Variants in FDCSP observed in about 807,000 individuals in gnomAD.
The protein encoded by FDCSP is follicular dendritic cell secreted protein, also known as follicular dendritic cell secreted peptide.
In FDCSP, 8 loss-of-function variants were observed where a neutral mutation model predicts 8.9. The observed-to-expected ratio is 0.90, with a 90% CI of 0.53 to 1.63. The LOEUF is 1.63. FDCSP is among the 40% of genes most tolerant of loss of function. The pLI, the probability that FDCSP is intolerant of heterozygous loss-of-function variation, is 0.00. For synonymous variants in FDCSP, 34 were observed against 34.5 expected, an observed-to-expected ratio of 0.98 and a Z score of 0.06; for missense variants, 101 against 103.6, an observed-to-expected ratio of 0.98 and a Z score of 0.11.
intron 1 of FDCSP, among the ~76,000 whole-genome samples, chr4:70,229,462 G>A (rs1730043338): frequency 6.6e-6 from 1 of 151,698 alleles, no homozygotes; most frequent in Non-Finnish European, 1.5e-5. Flanking sequence ...TCACAACTTG[G>A]CTAACTAGTT....
chr4:70,230,619 T>C (rs1730064404), intron 1 of FDCSP, among the ~76,000 whole-genome samples: 1 of 151,656 alleles, frequency 6.6e-6, no homozygotes, highest in Non-Finnish European at 1.5e-5. Flanking sequence ...ATGGATTTTG[T>C]GTTAGCAGGC....
chr4:70,232,980 T>C lies in FDCSP; in HGVS notation c.58-14T>C. 6.3e-7 allele frequency: 1 copy of C among 1,588,626 alleles called. No homozygotes were observed. Among genetic ancestry groups the C allele is most frequent in the Non-Finnish European group, 8.6e-7 (1 of 1,169,298 alleles). On this transcript the variant is annotated splice_polypyrimidine_tract_variant and intron_variant, in intron 2 of 4. Coordinates refer to ENST00000317987, the MANE Select transcript of FDCSP (RefSeq NM_152997.4). ...TGAGCATGAGTTTAATTAATTTCAC[T>C]ATTTGATCTTTAGGTCTCTCAAGAC...
At chr4:70,233,684 A>G (rs906392815) in intron 3 of FDCSP, among the ~76,000 whole-genome samples, 15 of 151,750 alleles carry the variant, frequency 9.9e-5, no homozygotes, top group Admixed American at 7.2e-4. Context: ...TGTTTCCTAC[A>G]TGTGGTTTGG....
chr4:70,234,209 A>C lies in FDCSP; in HGVS notation c.*22A>C. 1 of 1,602,096 alleles carries C rather than the reference A, an allele frequency of 6.2e-7. No homozygotes were observed. The highest frequency in any genetic ancestry group is 8.5e-7 in the Non-Finnish European group (1 of 1,172,788). On this transcript the variant is annotated 3_prime_UTR_variant, in exon 4 of 5. Coordinates refer to ENST00000317987, the MANE Select transcript of FDCSP (RefSeq NM_152997.4). ...GTAAACAAGAAGGAAAAGTCACGATAAACCTGGTAAGTACACATAGTTACA... is the reference window on the plus strand; with the variant it reads ...GTAAACAAGAAGGAAAAGTCACGATCAACCTGGTAAGTACACATAGTTACA...
chr4:70,229,641 T>A (rs1271798419), intron 1 of FDCSP, among the ~76,000 whole-genome samples: 1 of 151,648 alleles, frequency 6.6e-6, no homozygotes, highest in Non-Finnish European at 1.5e-5. Context: ...TTATCATGTC[T>A]CAGGAAATAG....
intron 1 of FDCSP, among the ~76,000 whole-genome samples, chr4:70,230,279 C>G (rs759623032): frequency 2.4e-4 from 36 of 151,726 alleles, no homozygotes; most frequent in Non-Finnish European, 3.7e-4. Flanking sequence ...CCTAATGATA[C>G]CATCCAATAT....
intron 1 of FDCSP, among the ~76,000 whole-genome samples, chr4:70,227,708 C>A (rs2109683202): frequency 1.3e-5 from 2 of 151,740 alleles, no homozygotes; most frequent in East Asian, 2.0e-4. Context: ...CAGTTCTTGA[C>A]CACCACCATA....
At chr4:70,233,454 G>C (rs1368915924) in intron 3 of FDCSP, among the ~76,000 whole-genome samples, 3 of 151,666 alleles carry the variant, frequency 2.0e-5, no homozygotes, top group Non-Finnish European at 3.0e-5. Context: ...GGTCTAAACA[G>C]TTAACTAAAA....
chr4:70,230,704 A>T (rs976873858), intron 1 of FDCSP, among the ~76,000 whole-genome samples: 12 of 151,810 alleles, frequency 7.9e-5, no homozygotes, highest in Middle Eastern at 3.4e-3. Context: ...TCTGTCACCT[A>T]CATTACTTTC....
rs112173189 is a variant in FDCSP at position 70,231,597 on chromosome 4, C to A, written c.57+346C>A. ...TGATGCTGGTGTAAACAAACCTACC[C>A]TCTGCCAGTCATATAAGAATAGAGC... On this transcript the variant is annotated intron_variant, in intron 2 of 4. Transcript: ENST00000317987. Among the ~76,000 whole-genome samples the A allele has an allele frequency of 7.4e-3, 1,116 of 151,806 alleles. 13 individuals carry two copies. The highest frequency in any genetic ancestry group is 0.025 in the African/African-American group (1,052 of 41,484).
intron 1 of FDCSP, among the ~76,000 whole-genome samples, chr4:70,229,929 G>A (rs1470140964): frequency 6.6e-6 from 1 of 151,542 alleles, no homozygotes; most frequent in Non-Finnish European, 1.5e-5. Context: ...ATATGACACA[G>A]AGACATGCAG....
At position 70,231,204 on chromosome 4, in the gene FDCSP, G is replaced by T; in HGVS notation, c.10G>T (p.Val4Phe). MKKVLLLITAILAV... is the reference protein window; with the variant it reads MKKFLLLITAILAV... ...TTACTCCATTTTGCAGATGAAGAAA[G>T]TTCTCCTCCTGATCACAGCCATCTT... Residue 4 changes from valine (V) to phenylalanine (F), a missense_variant, in exon 2 of 5, where the codon GTT becomes TTT. Coordinates refer to ENST00000317987, the MANE Select transcript of FDCSP (RefSeq NM_152997.4). The T allele has an allele frequency of 4.4e-6, 7 of 1,597,032 alleles. No homozygotes were observed. Among genetic ancestry groups the T allele is most frequent in the Non-Finnish European group, 6.0e-6 (7 of 1,171,070 alleles).
intron 1 of FDCSP, among the ~76,000 whole-genome samples, chr4:70,228,076 G>C (rs1730019025): frequency 6.6e-6 from 1 of 151,754 alleles, no homozygotes; most frequent in Admixed American, 6.6e-5. Flanking sequence ...TTTCTCTGTA[G>C]CATGCGATGT....
At chr4:70,233,621 A>G (rs1195196587) in intron 3 of FDCSP, among the ~76,000 whole-genome samples, 1 of 151,728 alleles carries the variant, frequency 6.6e-6, no homozygotes, top group African/African-American at 2.4e-5. Context: ...ACACAAACAG[A>G]TAATTGAGAG....
chr4:70,228,943 T>C (rs912624425), intron 1 of FDCSP, among the ~76,000 whole-genome samples: 23 of 151,796 alleles, frequency 1.5e-4, no homozygotes, highest in African/African-American at 5.6e-4. Context: ...TTCTAAATGA[T>C]AAATGAGCAT....
At chr4:70,232,457 A>G (rs780125227) in intron 2 of FDCSP, among the ~76,000 whole-genome samples, 87 of 151,686 alleles carry the variant, frequency 5.7e-4, no homozygotes, top group Admixed American at 2.0e-4. Context: ...GTCTAGGAGT[A>G]AGAGACTATA....
chr4:70,231,301 G>A (rs750720573), intron 2 of FDCSP, 50 bp downstream of exon 2: 2 of 1,392,024 alleles, frequency 1.4e-6, no homozygotes, highest in East Asian at 2.4e-5. Context: ...GCCATGTATG[G>A]CATATTTATG....
chr4:70,232,001 A>T (rs1427712568), intron 2 of FDCSP, among the ~76,000 whole-genome samples: 2 of 151,832 alleles, frequency 1.3e-5, no homozygotes, highest in Non-Finnish European at 2.9e-5. Flanking sequence ...ACAAAGAGTG[A>T]AAGTATTTTT....
At chr4:70,231,368 A>G in intron 2 of FDCSP, 117 bp downstream of exon 2, 1 of 775,308 alleles carries the variant, frequency 1.3e-6, no homozygotes, top group Non-Finnish European at 2.0e-6. Flanking sequence ...AGAGCTACCA[A>G]GTGCAGTGGC....
Sources: gnomAD v4.1 joint callset for allele counts (sites outside exome capture counted in the v4.1 genomes callset) on GRCh38, gnomAD v4.1.1 for gene constraint, MANE v1.5 for transcripts, NCBI Gene and HGNC (gene_info 2026-07-23, HGNC 2026-07-21) for gene names.